GTF3C1: variants seen among roughly 807,000 people sequenced by gnomAD.
The protein encoded by GTF3C1 is general transcription factor IIIC subunit 1.
In GTF3C1, 57 loss-of-function variants were observed where a neutral mutation model predicts 226.7. The observed-to-expected ratio is 0.25, with a 90% CI of 0.20 to 0.31. The LOEUF is 0.31. GTF3C1 is among the 10% of genes least tolerant of loss of function. GTF3C1 has a pLI of 1.00. For missense variants in GTF3C1, 2,217 were observed against 2,776.1 expected (o/e 0.80, Z 4.53); for synonymous variants, 1,090 against 1,084.8 (o/e 1.00, Z -0.09).
Position 27,463,486 on chromosome 16 carries a change from T to A in GTF3C1, c.5924+55A>T. ...AAGACCCTCACACAAATCCTTACAC[T>A]CGGTCCCTGTCAAGAGCCCCGCCCC... On this transcript the variant is annotated intron_variant, in intron 35 of 36. Transcript: ENST00000356183. The surrounding 1 kb of genome is among the most constrained non-coding windows in gnomAD (Gnocchi z 4.9). 1 of 966,154 alleles carries A rather than the reference T, an allele frequency of 1.0e-6. No homozygotes were observed. The highest frequency in any genetic ancestry group is 1.7e-6 in the Non-Finnish European group (1 of 593,892). 59.8% of individuals were successfully genotyped at this position (966,154 alleles called of 1,614,324 possible). A position where few individuals can be genotyped will look rare whatever the true frequency, so the allele number is the denominator to read the frequency against.
Position 27,488,650 on chromosome 16 carries a change from C to T in GTF3C1, c.3430-15G>A, listed in dbSNP as rs1391292703. On this transcript the variant is annotated splice_polypyrimidine_tract_variant and intron_variant, in intron 21 of 36. Coordinates refer to ENST00000356183, the MANE Select transcript of GTF3C1 (RefSeq NM_001520.4). ...GCAGTGTTCTCCTGTGAGACAAGCA[C>T]AGCACTGGGATGAAGCATGAGCTTC... 1.3e-5 allele frequency: 20 copies of T among 1,598,040 alleles called. No homozygotes were observed. Among genetic ancestry groups the T allele is most frequent in the East Asian group, 2.2e-5 (1 of 44,822 alleles).
rs2089248777 is a variant in GTF3C1 at position 27,549,678 on chromosome 16, G to A, written c.213C>T (p.Leu71=). The A allele has an allele frequency of 1.3e-6, 2 of 1,567,684 alleles. No homozygotes were observed. The change falls in exon 1 of 37, where the codon CTC becomes CTT. Residue 71 remains leucine (L), a synonymous_variant. Transcript: ENST00000356183. ...EEPRERPDLQ[L]QDRYEEIDLE... is the part of the protein sequence containing the mutation. ...CCAGGCCGCCCGCTGACCGGTCCTG[G>A]AGCTGTAGGTCGGGTCGCTCCCGAG...
At chr16:27,538,486 G>A (rs2089034256) in intron 2 of GTF3C1, 130 bp from the exon 3 acceptor site, 2 of 567,668 alleles carry the variant, frequency 3.5e-6, no homozygotes, top group South Asian at 2.6e-5. Flanking sequence ...CCAAAATTAA[G>A]TTAAGCAAGT....
Position 27,545,298 on chromosome 16 carries a change from G to A in GTF3C1, c.431+16C>T, listed in dbSNP as rs1252930405. 1.9e-6 allele frequency: 3 copies of A among 1,581,934 alleles called. No homozygotes were observed. The African/African-American group carries it at 4.0e-5, about 21-fold the overall frequency. ...GGCCAGATTCCCAGGAATTTCTGAT[G>A]GTGCAAAATAGTTACCTGTCAAAGG... On this transcript the variant is annotated intron_variant, in intron 2 of 36. Coordinates refer to ENST00000356183, the MANE Select transcript of GTF3C1 (RefSeq NM_001520.4).
rs775729842 is a variant in GTF3C1 at position 27,495,394 on chromosome 16, T to C, written c.2449A>G (p.Ser817Gly). The change falls in exon 15 of 37, where the codon AGC becomes GGC. Residue 817 changes from serine to glycine, a missense_variant. Coordinates refer to ENST00000356183, the MANE Select transcript of GTF3C1 (RefSeq NM_001520.4). Reference protein sequence around the residue: ...LWYLIYGHPASNTVEKPSFIS... With the variant: ...LWYLIYGHPAGNTVEKPSFIS... The stretch of plus-strand genomic sequence containing the variant: ...AAGCTTGGCTTCTCCACGGTGTTGC[T>C]GGCAGGGTGCCCGTAGATGAGGTAC... 1.9e-6 allele frequency: 3 copies of C among 1,614,150 alleles called. No homozygotes were observed. The highest frequency in any genetic ancestry group is 2.5e-6 in the Non-Finnish European group (3 of 1,179,974).
chr16:27,532,514 T>G (rs1294179985), intron 5 of GTF3C1, among the ~76,000 whole-genome samples: 2 of 152,150 alleles, frequency 1.3e-5, no homozygotes, highest in Non-Finnish European at 2.9e-5. Context: ...ACTGAAACCT[T>G]CCAGTCAGAT....
At position 27,471,747 on chromosome 16, in the gene GTF3C1, C is replaced by A. The variant is rs2087873970; in HGVS notation, c.4526+1G>T. 1 of 1,612,684 alleles carries A rather than the reference C, an allele frequency of 6.2e-7. No homozygotes were observed. The highest frequency in any genetic ancestry group is 8.5e-7 in the Non-Finnish European group (1 of 1,178,754). On this transcript the variant is annotated splice_donor_variant, in intron 30 of 36. Transcript: ENST00000356183. LOFTEE classifies it high-confidence loss of function. The surrounding 1 kb of genome is among the most constrained non-coding windows in gnomAD (Gnocchi z 5.0). ...ACCCAAGGCTCCTGACAGGTACTCA[C>A]CTGTAGTAGGTCTGGGATAGCTGGT...
At position 27,528,622 on chromosome 16, in the gene GTF3C1, A is replaced by G. The variant is rs1359172190; in HGVS notation, c.949T>C (p.Cys317Arg). 6.2e-7 allele frequency: 1 copy of G among 1,611,778 alleles called. No individual in the cohort carries two copies. The highest frequency in any genetic ancestry group is 1.1e-5 in the South Asian group (1 of 91,030). ...CCTTTCTTTGTCTTACAAGGTCCAC[A>G]TTCAGGGTGGATCTCTTGCAAGCGA... The part of the protein sequence containing the change: ...SLRLQEIHPE[C>R]GPCKTKKGTD... The change falls in exon 6 of 37, where the codon TGT (cysteine) becomes CGT (arginine). Residue 317 changes from cysteine to arginine, a missense_variant. Cys to Arg is a radical substitution (Grantham distance 180). Around this residue, in one of 12 missense-constraint regions of GTF3C1, gnomAD observed 163 missense variants for 234.3 expected, o/e 0.70. Coordinates refer to ENST00000356183, the MANE Select transcript of GTF3C1 (RefSeq NM_001520.4).
At position 27,464,312 on chromosome 16, in the gene GTF3C1, C is replaced by T. The variant is rs370135657; in HGVS notation, c.5872+8G>A. On this transcript the variant is annotated splice_region_variant and intron_variant, in intron 34 of 36. Transcript: ENST00000356183. ...GTGAGGTGGGGTGGGGGACAAGGCG[C>T]GCGGTACCTCTGGGGTCTTCAGAGC... 9.6e-6 allele frequency: 14 copies of T among 1,453,092 alleles called. No homozygotes were observed. Among genetic ancestry groups the T allele is most frequent in the East Asian group, 5.2e-5 (2 of 38,126 alleles). 90.0% of individuals were successfully genotyped at this position (1,453,092 alleles called of 1,614,324 possible). A position where few individuals can be genotyped will look rare whatever the true frequency, so the allele number is the denominator to read the frequency against.
In GTF3C1 at chr16:27,461,548, G is replaced by A. The variant is rs754585858; in HGVS notation, c.6132C>T (p.Leu2044=). ...VLELLQGLES[L]GCIRKRWLRK... Reference sequence around the variant, plus strand: ...TCAGCCAGCGCTTCCGGATGCAGCCGAGGGACTCCAGGCCCTGGAGACACC... The same window carrying A: ...TCAGCCAGCGCTTCCGGATGCAGCCAAGGGACTCCAGGCCCTGGAGACACC... Residue 2044 remains leucine, a synonymous_variant, in exon 37 of 37, where the codon CTC becomes CTT. Transcript: ENST00000356183. The surrounding 1 kb of genome is among the most constrained non-coding windows in gnomAD (Gnocchi z 5.3). 24 of 1,612,944 alleles carry A rather than the reference G, an allele frequency of 1.5e-5. No homozygotes were observed. The highest frequency in any genetic ancestry group is 5.0e-5 in the Admixed American group (3 of 60,014).
intron 2 of GTF3C1, 148 bp downstream of exon 2, chr16:27,545,166 A>C (rs561590216): frequency 1.5e-6 from 1 of 654,884 alleles, no homozygotes; most frequent in Admixed American, 2.5e-5. Flanking sequence ...TAGTAGAAAC[A>C]GCGTTTTGCC....
At chr16:27,482,931 A>T (rs1433109893) in intron 26 of GTF3C1, 113 bp downstream of exon 26, 4 of 847,584 alleles carry the variant, frequency 4.7e-6, no homozygotes, top group African/African-American at 3.3e-5. Flanking sequence ...AGCAGGAAAC[A>T]AAGTCCACGT....
chr16:27,540,618 C>T (rs1342898490), intron 2 of GTF3C1, among the ~76,000 whole-genome samples: 1 of 152,080 alleles, frequency 6.6e-6, no homozygotes, highest in Non-Finnish European at 1.5e-5. Flanking sequence ...CACCAGGATA[C>T]CAAGACAAAT....
At chr16:27,481,294 T>G (rs2088042593) in intron 26 of GTF3C1, 103 bp from the exon 27 acceptor site, 1 of 967,402 alleles carries the variant, frequency 1.0e-6, no homozygotes, top group Admixed American at 1.9e-5. Flanking sequence ...CTGCACCAGC[T>G]AAGTCCGAGA....
At chr16:27,468,251 T>A (rs776591765) in intron 32 of GTF3C1, among the ~76,000 whole-genome samples, 21 of 152,172 alleles carry the variant, frequency 1.4e-4, no homozygotes, top group African/African-American at 1.4e-4. Context: ...GTTTCTTGAG[T>A]TTCTTGACAT....
chr16:27,505,077 G>C (rs576378491), intron 10 of GTF3C1, among the ~76,000 whole-genome samples: 1 of 152,136 alleles, frequency 6.6e-6, no homozygotes, highest in Non-Finnish European at 1.5e-5. Context: ...GGCAGTGTCT[G>C]GGGTACTGTT....
In GTF3C1 at chr16:27,462,411, C is replaced by T; in HGVS notation, c.6000G>A (p.Lys2000=). ...GGTACAGCATGGCCTCCATCATACC[C>T]TTGCATACAGGAAGGTTCAGGTGGC... ...VDGHLNLPVC[K]GMMEAMLYHI... Residue 2000 remains lysine (K), a synonymous_variant, in exon 36 of 37, where the codon AAG becomes AAA. Transcript: ENST00000356183. The surrounding 1 kb of genome is among the most constrained non-coding windows in gnomAD (Gnocchi z 4.5). 1 of 1,612,746 alleles carries T rather than the reference C, an allele frequency of 6.2e-7. No homozygotes were observed. The highest frequency in any genetic ancestry group is 8.5e-7 in the Non-Finnish European group (1 of 1,179,360).
chr16:27,495,259 G>C lies in GTF3C1; in HGVS notation c.2584C>G (p.Gln862Glu), dbSNP rs996747615. 1.2e-6 allele frequency: 2 copies of C among 1,613,118 alleles called. No individual in the cohort carries two copies. The highest frequency in any genetic ancestry group is 1.7e-6 in the Non-Finnish European group (2 of 1,179,384). ...TCAGCCTCCCAGGTGACACCATCTT[G>C]GCTGCCTTTAGATGGGGCTTCAGAG... ...ACSEAPSKGS[Q>E]DGVTWEAEVE... Residue 862 changes from glutamine (Q) to glutamate (E), a missense_variant, in exon 15 of 37, where the codon CAA becomes GAA. Physicochemically the swap from Gln to Glu is conservative, Grantham distance 29. Coordinates refer to ENST00000356183, the MANE Select transcript of GTF3C1 (RefSeq NM_001520.4).
At chr16:27,481,018 G>A in intron 27 of GTF3C1, 61 bp downstream of exon 27, 1 of 1,375,294 alleles carries the variant, frequency 7.3e-7, no homozygotes, top group Middle Eastern at 1.8e-4. Context: ...AAGGGAGACA[G>A]GGCTGGCCTT....
Sources: allele counts gnomAD v4.1 joint callset (sites outside exome capture counted in the v4.1 genomes callset), GRCh38; gene constraint gnomAD v4.1.1; regional missense constraint gnomAD v4.1.1; non-coding constraint Gnocchi (gnomAD v3.1); transcripts MANE v1.5; gene names NCBI Gene and HGNC (gene_info 2026-07-23, HGNC 2026-07-21).